MTMR3: variants seen among roughly 807,000 people sequenced by gnomAD.
MTMR3 encodes the protein phosphatidylinositol-3,5-bisphosphate 3-phosphatase MTMR3.
In MTMR3, 32 loss-of-function variants were observed where a neutral mutation model predicts 132.4. The ratio of observed to expected loss-of-function variants is 0.24; its 90% CI spans 0.18 to 0.32. The LOEUF (loss-of-function observed/expected upper bound fraction) is 0.32. MTMR3 is among the 10% of genes least tolerant of loss of function. The pLI is 1.00. For synonymous variants in MTMR3, 556 were observed against 550.3 expected (o/e 1.01, Z -0.14); for missense variants, 1,216 against 1,489.6 (o/e 0.82, Z 3.02).
chr22:30,007,501 C>G, intron 10 of MTMR3, 182 bp downstream of exon 10: 1 of 653,756 alleles, frequency 1.5e-6, no homozygotes, highest in Non-Finnish European at 2.6e-6. Flanking sequence ...CCCTTTGTTT[C>G]AAACCTGAAT....
At chr22:29,999,972 A>G (rs1248298502) in intron 8 of MTMR3, 2 of 151,810 alleles carry the variant, frequency 1.3e-5, no homozygotes, top group African/African-American at 4.8e-5. Context: ...AGATTGCACC[A>G]CTATATTCCA....
rs911940554 is a variant in MTMR3 at position 30,016,509 on chromosome 22, C to T, written c.1504-19C>T. 2.5e-6 allele frequency: 4 copies of T among 1,610,766 alleles called. No individual in the cohort carries two copies. Among genetic ancestry groups the T allele is most frequent in the Non-Finnish European group, 3.4e-6 (4 of 1,178,308 alleles). ...TGCATGCCTGATTGCTTAATTTGTGCTTCATTGGACTTCCATAGGTGAAAC... is the reference window on the plus strand; with the variant it reads ...TGCATGCCTGATTGCTTAATTTGTGTTTCATTGGACTTCCATAGGTGAAAC... On this transcript the variant is annotated intron_variant, in intron 14 of 19. Transcript: ENST00000401950.
rs758091723 is a variant in MTMR3, at chr22:30,028,688, T to C, written c.*2887T>C. ...AGAGCTCCCCAGAGGCCTTCACTCT[T>C]TGGGGCAGTCTCTCTAGGGTCACTT... On this transcript the variant is annotated 3_prime_UTR_variant, in exon 20 of 20. Transcript: ENST00000401950. The C allele has an allele frequency of 1.3e-5, 2 of 152,342 alleles. No homozygotes were observed. Among genetic ancestry groups the C allele is most frequent in the Non-Finnish European group, 2.9e-5 (2 of 68,028 alleles). The allele number at this position is 152,342 out of a possible 1,614,324, so 9.4% of individuals were successfully genotyped here. A position where few individuals can be genotyped will look rare whatever the true frequency, so the allele number is the denominator to read the frequency against.
intron 2 of MTMR3, among the ~76,000 whole-genome samples, chr22:29,959,293 G>A (rs1359998435): frequency 1.3e-5 from 2 of 152,104 alleles, no homozygotes; most frequent in Non-Finnish European, 2.9e-5. Flanking sequence ...GCTTGGAATA[G>A]GAATCTTAAT....
intron 7 of MTMR3, chr22:29,996,937 A>G (rs967069956): frequency 7.2e-5 from 11 of 151,922 alleles, no homozygotes; most frequent in African/African-American, 2.7e-4. Context: ...GGTTGACCAG[A>G]TGTTGCCCAG....
intron 1 of MTMR3, among the ~76,000 whole-genome samples, chr22:29,943,368 T>C (rs2065893660): frequency 6.6e-6 from 1 of 151,970 alleles, no homozygotes; most frequent in African/African-American, 2.4e-5. Flanking sequence ...AATTTTTTTG[T>C]ATTTTTAGTA....
At chr22:29,895,940 A>G (rs1480056788) in intron 1 of MTMR3, among the ~76,000 whole-genome samples, 1 of 152,244 alleles carries the variant, frequency 6.6e-6, no homozygotes, top group African/African-American at 2.4e-5. Context: ...GTTACGTAGA[A>G]TAAGAGAAGA....
At chr22:30,023,444 C>T (rs1378994107) in intron 19 of MTMR3, 4 of 1,614,220 alleles carry the variant, frequency 2.5e-6, no homozygotes, top group Non-Finnish European at 2.5e-6. Flanking sequence ...AGCTCTTTCT[C>T]CCCTCCTTGC....
chr22:29,889,622 G>A (rs1251777144), intron 1 of MTMR3, among the ~76,000 whole-genome samples: 1 of 151,870 alleles, frequency 6.6e-6, no homozygotes, highest in African/African-American at 2.4e-5. Flanking sequence ...AAAAAAAGTA[G>A]AGATGACCTG....
At chr22:29,907,719 C>T (rs1485594363) in intron 1 of MTMR3, among the ~76,000 whole-genome samples, 1 of 152,176 alleles carries the variant, frequency 6.6e-6, no homozygotes, top group Non-Finnish European at 1.5e-5. Flanking sequence ...ACTGCTTAAC[C>T]TCCTTTGTAT....
intron 1 of MTMR3, among the ~76,000 whole-genome samples, chr22:29,935,777 G>T (rs1221164701): frequency 8.7e-6 from 1 of 115,382 alleles, no homozygotes; most frequent in Admixed American, 1.1e-4. Flanking sequence ...GAGTCATGCT[G>T]TGTCTCACTC....
chr22:29,895,959 C>T (rs1400528586), intron 1 of MTMR3, among the ~76,000 whole-genome samples: 2 of 152,174 alleles, frequency 1.3e-5, no homozygotes, highest in African/African-American at 2.4e-5. Context: ...GACAACATTT[C>T]AAATCGACAA....
intron 9 of MTMR3, chr22:30,005,351 G>T (rs781636600): frequency 6.6e-6 from 1 of 152,168 alleles, no homozygotes; most frequent in Non-Finnish European, 1.5e-5. Context: ...CAATAGTCCA[G>T]TTGAAATCTA....
intron 11 of MTMR3, chr22:30,008,476 G>A (rs1200877562): frequency 6.0e-6 from 1 of 166,420 alleles, no homozygotes; most frequent in Non-Finnish European, 1.3e-5. Flanking sequence ...CAGAACCCTA[G>A]TAAGGTATCT....
At chr22:29,944,149 C>A (rs36604) in intron 1 of MTMR3, among the ~76,000 whole-genome samples, 120,775 of 151,876 alleles carry the variant, frequency 0.8, 48,633 homozygotes, top group African/African-American at 0.93. Flanking sequence ...CAAGAGCTAG[C>A]GGGGTCTTAA....
intron 1 of MTMR3, among the ~76,000 whole-genome samples, chr22:29,925,581 T>C (rs2065499907): frequency 6.6e-6 from 1 of 151,682 alleles, no homozygotes; most frequent in Non-Finnish European, 1.5e-5. Flanking sequence ...AACAGCTTTG[T>C]TGAGCTGTAA....
Position 30,019,833 on chromosome 22 carries a change from A to G in MTMR3, c.2174A>G (p.Lys725Arg), listed in dbSNP as rs2067700961. The part of the protein sequence containing the change: ...QEGKEDPLLE[K>R]ESRRKTPEAS... ...GGTAAAGAGGACCCTCTCTTAGAAA[A>G]GGAGAGCAGGAGGAAGACACCTGAG... Residue 725 changes from lysine (K) to arginine (R), a missense_variant, in exon 17 of 20, where the codon AAG (lysine) becomes AGG (arginine). By Grantham distance (26) the Lys-to-Arg change is conservative. Transcript: ENST00000401950. 6.2e-7 allele frequency: 1 copy of G among 1,614,100 alleles called. No individual in the cohort carries two copies. Among genetic ancestry groups the G allele is most frequent in the Non-Finnish European group, 8.5e-7 (1 of 1,180,036 alleles).
Position 30,025,662 on chromosome 22 carries a change from G to T in MTMR3, c.3458G>T (p.Cys1153Phe). Residue 1153 changes from cysteine to phenylalanine, a missense_variant, in exon 20 of 20, where the codon TGT becomes TTT. Cys to Phe is a radical substitution (Grantham distance 205, BLOSUM62 -2). Around this residue, in one of 7 missense-constraint regions of MTMR3, gnomAD observed 852 missense variants for 852.0 expected, o/e 1.00. Coordinates refer to ENST00000401950, the MANE Select transcript of MTMR3 (RefSeq NM_021090.4). ...GGGAACGTATTCTGCTCCAGTTGTT[G>T]TAACCAGAAGGTTCCAGTTCCCAGC... ...NCGNVFCSSC[C>F]NQKVPVPSQQ... 1 of 1,614,188 alleles carries T rather than the reference G, an allele frequency of 6.2e-7. No individual in the cohort carries two copies. Among genetic ancestry groups the T allele is most frequent in the South Asian group, 1.1e-5 (1 of 91,080 alleles).
Position 29,921,466 on chromosome 22 carries a change from G to T in MTMR3, c.-137-35570G>T, listed in dbSNP as rs150199825. On this transcript the variant is annotated intron_variant, in intron 1 of 19. Transcript: ENST00000401950. ...GGACAAATATCTAAACCACGTCAAG[G>T]AGTTTCTTTTGGGAGAGCTTAGGAT... Among the ~76,000 whole-genome samples the T allele has an allele frequency of 2.6e-3, 392 of 152,254 alleles. 1 individual carries two copies. Among genetic ancestry groups the T allele is most frequent in the African/African-American group, 9.0e-3 (375 of 41,522 alleles).
Sources: gnomAD v4.1 joint callset for allele counts (sites outside exome capture counted in the v4.1 genomes callset) on GRCh38, gnomAD v4.1.1 for gene constraint, gnomAD v4.1.1 regional missense constraint, MANE v1.5 for transcripts, NCBI Gene and HGNC (gene_info 2026-07-23, HGNC 2026-07-21) for gene names.